KLHL4: variants seen among roughly 807,000 people sequenced by gnomAD.
The protein encoded by KLHL4 is kelch like family member 4.
A neutral mutation model predicts 45.8 loss-of-function variants in KLHL4; 17 were observed. The ratio of observed to expected loss-of-function variants is 0.37; its 90% CI spans 0.25 to 0.56. The LOEUF (loss-of-function observed/expected upper bound fraction) is 0.56, where lower values mean the gene tolerates loss of function less well. Among genes scored for constraint, KLHL4 ranks in the 20% least tolerant of loss-of-function variants. KLHL4 has a pLI of 0.79. For missense variants in KLHL4, 544 were observed against 544.9 expected (o/e 1.00, Z 0.02); for synonymous variants, 224 against 189.9 (o/e 1.18, Z -1.47).
chrX:87,610,495 A>G (rs936187750), intron 1 of KLHL4, among the ~76,000 whole-genome samples: 2 of 111,958 alleles, frequency 1.8e-5, no homozygotes, highest in Non-Finnish European at 3.8e-5. Context: ...TACTGACTCC[A>G]AATTGTATGT....
At chrX:87,521,269 T>C (rs1302950351) in intron 1 of KLHL4, among the ~76,000 whole-genome samples, 1 of 112,044 alleles carries the variant, frequency 8.9e-6, no homozygotes, top group Non-Finnish European at 1.9e-5. Flanking sequence ...AAGTGAGGTT[T>C]GCCTAGAAAA....
chrX:87,553,652 C>G (rs1048745798), intron 1 of KLHL4, among the ~76,000 whole-genome samples: 1 of 111,015 alleles, frequency 9.0e-6, no homozygotes, highest in Non-Finnish European at 1.9e-5. Flanking sequence ...ACACACATGT[C>G]ACATTTGTGG....
At chrX:87,525,727 A>C (rs1400474614) in intron 1 of KLHL4, among the ~76,000 whole-genome samples, 1 of 111,868 alleles carries the variant, frequency 8.9e-6, no homozygotes, top group African/African-American at 3.2e-5. Flanking sequence ...TATTTTCTAA[A>C]TCAATACATA....
At chrX:87,568,452 C>T (rs983120741) in intron 1 of KLHL4, among the ~76,000 whole-genome samples, 22 of 89,299 alleles carry the variant, frequency 2.5e-4, no homozygotes, top group African/African-American at 8.4e-4. Flanking sequence ...GATATAATAG[C>T]AAGGGACCCT....
intron 1 of KLHL4, among the ~76,000 whole-genome samples, chrX:87,519,449 C>T (rs1381358035): frequency 6.3e-5 from 7 of 111,761 alleles, no homozygotes; most frequent in Non-Finnish European, 1.1e-4. Context: ...GAAGAAGCAG[C>T]CTAATAACAT....
chrX:87,639,008 C>T (rs182377913), intron 9 of KLHL4, among the ~76,000 whole-genome samples: 1 of 110,062 alleles, frequency 9.1e-6, no homozygotes, highest in African/African-American at 3.3e-5. Flanking sequence ...AAAAGATAGT[C>T]CGTGAAAATG....
In KLHL4 at chrX:87,622,160, T is replaced by C. The variant is rs1309965487; in HGVS notation, c.925-51T>C. 3 of 821,166 alleles carry C rather than the reference T, an allele frequency of 3.7e-6. No homozygotes were observed. The African/African-American group carries it at 6.1e-5, about 17-fold the overall frequency. The allele number at this position is 821,166 out of a possible 1,213,427, so 67.7% of individuals were successfully genotyped here. ...GAAATTCTTTGATATGCTTATTCCA[T>C]TAAGAAATTTCTAAAGTGCAAAGTT... is the stretch of plus-strand genomic sequence containing the variant. On this transcript the variant is annotated intron_variant, in intron 4 of 10. Coordinates refer to ENST00000373119, the MANE Select transcript of KLHL4 (RefSeq NM_019117.5).
At chrX:87,644,247 T>C (rs1234981084) in intron 9 of KLHL4, among the ~76,000 whole-genome samples, 1 of 111,692 alleles carries the variant, frequency 9.0e-6, no homozygotes, top group Non-Finnish European at 1.9e-5. Flanking sequence ...AGCTCTTCTA[T>C]ACACCAACAG....
chrX:87,565,779 T>C (rs1361211214), intron 1 of KLHL4, among the ~76,000 whole-genome samples: 1 of 107,746 alleles, frequency 9.3e-6, no homozygotes, highest in African/African-American at 3.4e-5. Context: ...GAGTTGATTA[T>C]AAACAATTGT....
intron 9 of KLHL4, among the ~76,000 whole-genome samples, chrX:87,651,893 C>A (rs1377375496): frequency 1.8e-5 from 2 of 112,554 alleles, no homozygotes; most frequent in African/African-American, 6.5e-5. Context: ...GGCTCTGACC[C>A]CACATTTCCC....
chrX:87,642,421 A>G (rs1923494046), intron 9 of KLHL4, among the ~76,000 whole-genome samples: 1 of 112,073 alleles, frequency 8.9e-6, no homozygotes, highest in Non-Finnish European at 1.9e-5. Context: ...CTTCCCTCTG[A>G]CAGAGCCTAC....
At chrX:87,608,724 C>T (rs1018848182) in intron 1 of KLHL4, among the ~76,000 whole-genome samples, 4 of 110,505 alleles carry the variant, frequency 3.6e-5, no homozygotes, top group African/African-American at 1.3e-4. Flanking sequence ...AGGAAGGGTA[C>T]TAGTATCTTT....
At chrX:87,542,485 G>A (rs898758898) in intron 1 of KLHL4, among the ~76,000 whole-genome samples, 16 of 112,338 alleles carry the variant, frequency 1.4e-4, no homozygotes, top group Middle Eastern at 4.7e-3. Context: ...GCATCAGCAT[G>A]CCCTTGATGT....
At chrX:87,637,471 C>A (rs1345033342) in intron 9 of KLHL4, among the ~76,000 whole-genome samples, 2 of 111,281 alleles carry the variant, frequency 1.8e-5, no homozygotes, top group Non-Finnish European at 3.8e-5. Flanking sequence ...AGCAATGGAT[C>A]CAAACCAAGA....
rs182229616 is a variant in KLHL4, at chrX:87,626,393, A to C, written c.1324+597A>C. Among the ~76,000 whole-genome samples, 258 of 111,366 alleles carry C rather than the reference A, an allele frequency of 2.3e-3. 1 individual carries two copies. In the Middle Eastern group the frequency reaches 0.023, roughly 10 times the overall value. On this transcript the variant is annotated intron_variant, in intron 6 of 10. Transcript: ENST00000373119. ...ATATGAGGGAGGTACAAGAATAGTC[A>C]CTTATGCCTTAGTCTGGCTTAGAGA...
chrX:87,570,908 T>C (rs1028887322), intron 1 of KLHL4, among the ~76,000 whole-genome samples: 3 of 110,846 alleles, frequency 2.7e-5, no homozygotes, highest in Non-Finnish European at 3.8e-5. Flanking sequence ...TTGTGGCATG[T>C]TGATGATGAA....
At chrX:87,625,418 A>T (rs1041954783) in intron 5 of KLHL4, among the ~76,000 whole-genome samples, 192 bp from the exon 6 acceptor site, 1 of 111,741 alleles carries the variant, frequency 8.9e-6, no homozygotes, top group Non-Finnish European at 1.9e-5. Flanking sequence ...TTTTGTAGAG[A>T]CAAGGTTTTG....
intron 9 of KLHL4, among the ~76,000 whole-genome samples, chrX:87,637,885 G>T (rs1209902079): frequency 8.9e-6 from 1 of 111,998 alleles, no homozygotes. Flanking sequence ...GGAGGCAGAG[G>T]TTGAAGTGAG....
intron 1 of KLHL4, among the ~76,000 whole-genome samples, chrX:87,587,635 G>T (rs1297587103): frequency 9.0e-6 from 1 of 111,031 alleles, no homozygotes; most frequent in Non-Finnish European, 1.9e-5. Context: ...AACAACTGGG[G>T]ATAGAGGGAA....
Sources: gnomAD v4.1 joint callset for allele counts (sites outside exome capture counted in the v4.1 genomes callset) on GRCh38, gnomAD v4.1.1 for gene constraint, MANE v1.5 for transcripts, NCBI Gene and HGNC (gene_info 2026-07-23, HGNC 2026-07-21) for gene names.